The following SP1 variants were observed in gnomAD, a reference collection of about 807,000 sequenced individuals.
SP1 encodes the protein transcription factor Sp1.
SP1 carries 6 observed loss-of-function variants against 66.3 expected under a neutral mutation model. The ratio of observed to expected loss-of-function variants is 0.09; its 90% CI spans 0.05 to 0.18. The LOEUF is 0.18. Ranked by LOEUF, SP1 falls within the 10% of genes least tolerant of loss-of-function variation. The pLI, the probability that SP1 is intolerant of heterozygous loss-of-function variation, is 1.00. For synonymous variants in SP1, 417 were observed against 360.8 expected (o/e 1.16, Z -1.77); for missense variants, 848 against 964.5 (o/e 0.88, Z 1.60).
At chr12:53,409,286 G>A (rs1254833283) in intron 4 of SP1, 76 bp from the exon 5 acceptor site, 2 of 1,222,560 alleles carry the variant, frequency 1.6e-6, no homozygotes, top group South Asian at 1.3e-5. Context: ...TGTCGATTGG[G>A]TGATTGCTGT....
At chr12:53,405,680 AAAGAG>A (rs1042744913) in intron 3 of SP1, among the ~76,000 whole-genome samples, 3 of 149,464 alleles carry the variant, frequency 2.0e-5, no homozygotes, top group Non-Finnish European at 2.9e-5. Flanking sequence ...AAAGGAAAGA[AAAGAG>A]AGAGAGAGAG....
chr12:53,408,403 A>ATT (rs1938799728), intron 4 of SP1, among the ~76,000 whole-genome samples: 1 of 150,286 alleles, frequency 6.7e-6, no homozygotes, highest in Non-Finnish European at 1.5e-5. Context: ...CGCCTGGCTA[A>ATT]TTTTGTATTT....
intron 3 of SP1, among the ~76,000 whole-genome samples, chr12:53,394,119 G>A (rs981367995): frequency 1.3e-5 from 2 of 151,898 alleles, no homozygotes; most frequent in Non-Finnish European, 2.9e-5. Flanking sequence ...GGAGGCTGAG[G>A]CAGGAGAATC....
At chr12:53,385,888 G>C (rs561500149) in intron 3 of SP1, among the ~76,000 whole-genome samples, 2 of 151,692 alleles carry the variant, frequency 1.3e-5, no homozygotes, top group Admixed American at 6.6e-5. Context: ...ACTCCAGCCT[G>C]GGTGACAGAG....
At chr12:53,390,698 A>G (rs1337902948) in intron 3 of SP1, among the ~76,000 whole-genome samples, 1 of 152,072 alleles carries the variant, frequency 6.6e-6, no homozygotes, top group African/African-American at 2.4e-5. Context: ...AAAAAAATCT[A>G]AGTGCTTTGA....
rs1353058818 is a variant in SP1, at chr12:53,415,042, TAGAAG to T, written c.*3806_*3810del. On this transcript the variant is annotated 3_prime_UTR_variant, in exon 6 of 6. Coordinates refer to ENST00000327443, the MANE Select transcript of SP1 (RefSeq NM_138473.3). ...GTGAAATCTCAGAATTTATCTCCCT[TAGAAG>T]AGAGCCAGTAACTTATGTACAAGGA... 6.6e-6 allele frequency: 1 copy of T among 152,550 alleles called. No individual in the cohort carries two copies. Among genetic ancestry groups the T allele is most frequent in the African/African-American group, 2.4e-5 (1 of 41,400 alleles). The allele number at this position is 152,550 out of a possible 1,614,324, so 9.4% of individuals were successfully genotyped here. A position where few individuals can be genotyped will look rare whatever the true frequency, so the allele number is the denominator to read the frequency against.
chr12:53,387,899 TG>T (rs1938265308), intron 3 of SP1, among the ~76,000 whole-genome samples: 1 of 151,478 alleles, frequency 6.6e-6, no homozygotes, highest in African/African-American at 2.4e-5. Context: ...GGCAGGAGAA[TG>T]ATGTGAACCT....
chr12:53,398,348 T>C (rs1213880855), intron 3 of SP1, among the ~76,000 whole-genome samples: 4 of 152,184 alleles, frequency 2.6e-5, no homozygotes, highest in Non-Finnish European at 5.9e-5. Context: ...AGTGCCATGA[T>C]CTTGGTTCAC....
rs1487419069 is a variant in SP1, at chr12:53,414,577, A to G, written c.*3337A>G. The G allele has an allele frequency of 2.6e-5, 4 of 152,630 alleles. No homozygotes were observed. Among genetic ancestry groups the G allele is most frequent in the Middle Eastern group, 3.2e-3 (1 of 316 alleles). The allele number at this position is 152,630 out of a possible 1,614,324, so 9.5% of individuals were successfully genotyped here. A position where few individuals can be genotyped will look rare whatever the true frequency, so the allele number is the denominator to read the frequency against. On this transcript the variant is annotated 3_prime_UTR_variant, in exon 6 of 6. Transcript: ENST00000327443. ...TGGCTGATTTATTTCTACTATATACATATATATTTTTTGCTTTTGTATATC... is the reference window on the plus strand; with the variant it reads ...TGGCTGATTTATTTCTACTATATACGTATATATTTTTTGCTTTTGTATATC...
chr12:53,380,527 CGCCCGCCCCCT>C (rs1197520040), intron 1 of SP1: 5 of 567,636 alleles, frequency 8.8e-6, no homozygotes, highest in Non-Finnish European at 9.8e-6. Context: ...AGCGTGGCCT[CGCCCGCCCCCT>C]GCCCGCCCCG....
At chr12:53,384,855 C>T (rs1477016431) in intron 3 of SP1, among the ~76,000 whole-genome samples, 2 of 151,988 alleles carry the variant, frequency 1.3e-5, no homozygotes, top group Non-Finnish European at 2.9e-5. Flanking sequence ...TGTGGTGGTA[C>T]ATGCCTATGG....
intron 3 of SP1, among the ~76,000 whole-genome samples, chr12:53,399,962 C>T (rs1938572924): frequency 6.6e-6 from 1 of 152,178 alleles, no homozygotes; most frequent in Non-Finnish European, 1.5e-5. Context: ...ACGGGAATTT[C>T]ATCATGTTGG....
chr12:53,400,452 A>G (rs76407914), intron 3 of SP1, among the ~76,000 whole-genome samples: 1 of 152,198 alleles, frequency 6.6e-6, no homozygotes, highest in East Asian at 1.9e-4. Flanking sequence ...TTTAGCTATC[A>G]TGCATAATGC....
At chr12:53,405,049 A>G (rs1249574228) in intron 3 of SP1, among the ~76,000 whole-genome samples, 1 of 150,244 alleles carries the variant, frequency 6.7e-6, no homozygotes, top group East Asian at 2.0e-4. Flanking sequence ...GGGTTTTACC[A>G]TGTTGGCCAG....
chr12:53,382,786 G>T lies in SP1; in HGVS notation c.839G>T (p.Ser280Ile), dbSNP rs1938136677. The T allele has an allele frequency of 1.2e-6, 2 of 1,614,176 alleles. No individual in the cohort carries two copies. The highest frequency in any genetic ancestry group is 8.5e-7 in the Non-Finnish European group (1 of 1,180,030). The change falls in exon 3 of 6, where the codon AGC becomes ATC. Residue 280 changes from serine (S) to isoleucine (I), a missense_variant. Coordinates refer to ENST00000327443, the MANE Select transcript of SP1 (RefSeq NM_138473.3). ...NSVSAATLTP[S>I]SQAVTISSSG... ...GTTTCTGCAGCTACCTTGACTCCCA[G>T]CTCTCAGGCAGTCACGATCAGCAGC...
chr12:53,401,880 G>T (rs1413948927), intron 3 of SP1, among the ~76,000 whole-genome samples: 1 of 152,194 alleles, frequency 6.6e-6, no homozygotes, highest in African/African-American at 2.4e-5. Flanking sequence ...TGTTGGCCAG[G>T]CTGGCCTGGA....
chr12:53,395,822 A>C (rs932606539), intron 3 of SP1, among the ~76,000 whole-genome samples: 2 of 151,884 alleles, frequency 1.3e-5, no homozygotes, highest in African/African-American at 4.8e-5. Context: ...AAAAAAAAAA[A>C]AAAAATTAAC....
chr12:53,409,577 TG>T lies in SP1; in HGVS notation c.2044+19del. The T allele has an allele frequency of 1.2e-6, 2 of 1,605,342 alleles. No individual in the cohort carries two copies. Among genetic ancestry groups the T allele is most frequent in the Non-Finnish European group, 1.7e-6 (2 of 1,172,446 alleles). ...ACACACACAGGTGAGCAAGAGCCTATGGGAGAGAAAAATAGTAATAGACTAG... is the reference window on the plus strand; with the variant it reads ...ACACACACAGGTGAGCAAGAGCCTATGGAGAGAAAAATAGTAATAGACTAG... On this transcript the variant is annotated intron_variant, in intron 5 of 5. Transcript: ENST00000327443.
At chr12:53,407,154 C>T (rs1435339906) in intron 4 of SP1, among the ~76,000 whole-genome samples, 4 of 149,542 alleles carry the variant, frequency 2.7e-5, no homozygotes, top group African/African-American at 4.9e-5. Flanking sequence ...GGATTTAAGA[C>T]TCAGAGCTGG....
Sources: allele counts gnomAD v4.1 joint callset (sites outside exome capture counted in the v4.1 genomes callset), GRCh38; gene constraint gnomAD v4.1.1; transcripts MANE v1.5; gene names NCBI Gene and HGNC (gene_info 2026-07-23, HGNC 2026-07-21).